ACAP2: variants seen among roughly 807,000 people sequenced by gnomAD.
The protein encoded by ACAP2 is ArfGAP with coiled-coil, ankyrin repeat and PH domains 2.
A neutral mutation model predicts 115.8 loss-of-function variants in ACAP2; 39 were observed. The ratio of observed to expected loss-of-function variants is 0.34; its 90% CI spans 0.26 to 0.44. The LOEUF (loss-of-function observed/expected upper bound fraction) is 0.44, where lower values mean the gene tolerates loss of function less well. Ranked by LOEUF, ACAP2 falls within the 20% of genes least tolerant of loss-of-function variation. ACAP2 has a pLI of 1.00. For synonymous variants in ACAP2, 289 were observed against 315.8 expected (o/e 0.92, Z 0.90); for missense variants, 662 against 927.6 (o/e 0.71, Z 3.72).
chr3:195,309,384 A>C (rs1017489032), intron 10 of ACAP2, among the ~76,000 whole-genome samples: 4 of 152,080 alleles, frequency 2.6e-5, no homozygotes, highest in Admixed American at 2.6e-4. Flanking sequence ...GCCTCTAATA[A>C]AATATACAAA....
At chr3:195,384,626 C>G (rs999430506) in intron 2 of ACAP2, among the ~76,000 whole-genome samples, 6 of 152,052 alleles carry the variant, frequency 3.9e-5, no homozygotes, top group African/African-American at 1.4e-4. Flanking sequence ...AGTCAGGAGG[C>G]TGAGGCAGGA....
intron 4 of ACAP2, among the ~76,000 whole-genome samples, chr3:195,358,530 GAAA>G (rs1732138107): frequency 6.6e-6 from 1 of 151,888 alleles, no homozygotes; most frequent in African/African-American, 2.4e-5. Context: ...ATTTAACAAA[GAAA>G]TAATTTTTAA....
At chr3:195,409,055 A>G (rs193167611) in intron 1 of ACAP2, among the ~76,000 whole-genome samples, 214 of 152,030 alleles carry the variant, frequency 1.4e-3, no homozygotes, top group African/African-American at 4.7e-3. Context: ...CAACACTTCT[A>G]TTCAACATAG....
chr3:195,298,979 T>G (rs1727841272), intron 15 of ACAP2, among the ~76,000 whole-genome samples: 1 of 152,166 alleles, frequency 6.6e-6, no homozygotes, highest in African/African-American at 2.4e-5. Context: ...CTTTCCCCTC[T>G]TCCCATAGCC....
chr3:195,289,175 C>T lies in ACAP2; in HGVS notation c.2120G>A (p.Gly707Glu). ...CACAGCTATGCTCAAAGGGTCTTTC[C>T]CTTCTTCATCAGTGGCATGTTGATT... is the stretch of plus-strand genomic sequence containing the variant. ...GANQHATDEE[G>E]KDPLSIAVEA... Residue 707 changes from glycine to glutamate, a missense_variant, in exon 21 of 23, where the codon GGG (glycine) becomes GAG (glutamate). Physicochemically the swap from Gly to Glu is moderately conservative, Grantham distance 98. This residue lies in a region of ACAP2 where 128 missense variants were observed against 200.2 expected (regional missense o/e 0.64). Transcript: ENST00000326793. 1 of 1,613,628 alleles carries T rather than the reference C, an allele frequency of 6.2e-7. No homozygotes were observed. Among genetic ancestry groups the T allele is most frequent in the Non-Finnish European group, 8.5e-7 (1 of 1,179,838 alleles).
chr3:195,327,948 AT>A (rs199652215), intron 8 of ACAP2, among the ~76,000 whole-genome samples: 3,253 of 151,818 alleles, frequency 0.021, 109 homozygotes, highest in East Asian at 0.1. Context: ...CCAAAAAAAA[AT>A]ATATATATAT....
At position 195,430,125 on chromosome 3, in the gene ACAP2, A is replaced by T. The variant is rs948098712; in HGVS notation, c.53+12670T>A. 3.3e-5 allele frequency among the ~76,000 whole-genome samples: 5 copies of T among 152,150 alleles called. 1 individual carries two copies. The highest frequency in any genetic ancestry group is 1.3e-4 in the Admixed American group (2 of 15,272). On this transcript the variant is annotated intron_variant, in intron 1 of 22. Transcript: ENST00000326793. ...CATGGATGACTGCCTAATGTTCTCT[A>T]ATGATTTGTTTCTGCCAAGATGATC... is the stretch of plus-strand genomic sequence containing the variant.
chr3:195,294,949 T>G (rs1727546665), intron 17 of ACAP2, 138 bp from the exon 18 acceptor site: 1 of 544,550 alleles, frequency 1.8e-6, no homozygotes, highest in African/African-American at 1.9e-5. Context: ...TTAATATAAT[T>G]TTAAGCCTTT....
intron 10 of ACAP2, among the ~76,000 whole-genome samples, chr3:195,312,226 A>T (rs931437142): frequency 1.3e-5 from 2 of 152,098 alleles, no homozygotes; most frequent in Non-Finnish European, 2.9e-5. Flanking sequence ...ACATTCATGT[A>T]AGTGCCAAAT....
At chr3:195,297,819 C>T (rs1216798148) in intron 15 of ACAP2, among the ~76,000 whole-genome samples, 1 of 152,158 alleles carries the variant, frequency 6.6e-6, no homozygotes, top group Non-Finnish European at 1.5e-5. Flanking sequence ...AGATAACAAA[C>T]AACACCTAGT....
At chr3:195,400,226 G>A (rs1712168185) in intron 1 of ACAP2, among the ~76,000 whole-genome samples, 1 of 151,550 alleles carries the variant, frequency 6.6e-6, no homozygotes, top group Admixed American at 6.6e-5. Flanking sequence ...ATATATGTGT[G>A]TGTATATATA....
chr3:195,356,441 C>T (rs569781754), intron 4 of ACAP2, among the ~76,000 whole-genome samples: 9 of 152,192 alleles, frequency 5.9e-5, no homozygotes, highest in African/African-American at 2.2e-4. Flanking sequence ...AGTTGTAGTG[C>T]TGGGCTGGGC....
At chr3:195,316,194 GTTTT>G (rs146926003) in intron 10 of ACAP2, among the ~76,000 whole-genome samples, 1 of 147,222 alleles carries the variant, frequency 6.8e-6, no homozygotes, top group East Asian at 2.0e-4. Context: ...GTCAAGCTGG[GTTTT>G]TTTTGTTTTT....
chr3:195,435,412 C>A (rs1715460902), intron 1 of ACAP2, among the ~76,000 whole-genome samples: 1 of 151,958 alleles, frequency 6.6e-6, no homozygotes, highest in African/African-American at 2.4e-5. Flanking sequence ...GTGATCCACC[C>A]ACCTCGGCCT....
intron 21 of ACAP2, among the ~76,000 whole-genome samples, chr3:195,288,112 A>C (rs1217555894): frequency 6.6e-6 from 1 of 152,110 alleles, no homozygotes; most frequent in Non-Finnish European, 1.5e-5. Context: ...AAAAAAAAAA[A>C]AGAAACCATT....
intron 2 of ACAP2, among the ~76,000 whole-genome samples, chr3:195,387,816 A>G (rs753211831): frequency 6.6e-6 from 1 of 152,238 alleles, no homozygotes; most frequent in Non-Finnish European, 1.5e-5. Flanking sequence ...TTGAAGAGAC[A>G]GCATCATTGT....
intron 1 of ACAP2, chr3:195,441,931 A>T (rs1236785356): frequency 1.3e-5 from 2 of 152,114 alleles, no homozygotes; most frequent in Non-Finnish European, 2.9e-5. Context: ...CCCCATGTCA[A>T]CTCTGTGACA....
At chr3:195,438,955 G>A (rs1715794608) in intron 1 of ACAP2, among the ~76,000 whole-genome samples, 1 of 152,086 alleles carries the variant, frequency 6.6e-6, no homozygotes, top group Non-Finnish European at 1.5e-5. Flanking sequence ...CAGTTACTCG[G>A]GAGGCTGAGG....
intron 1 of ACAP2, among the ~76,000 whole-genome samples, chr3:195,439,595 T>G (rs1480657597): frequency 6.6e-6 from 1 of 152,048 alleles, no homozygotes; most frequent in Non-Finnish European, 1.5e-5. Flanking sequence ...ACTTCCTAAG[T>G]AAAACAGAAT....
Sources: allele counts gnomAD v4.1 joint callset (sites outside exome capture counted in the v4.1 genomes callset), GRCh38; gene constraint gnomAD v4.1.1; regional missense constraint gnomAD v4.1.1; transcripts MANE v1.5; gene names NCBI Gene and HGNC (gene_info 2026-07-23, HGNC 2026-07-21).